Variants in ASIC2 observed in about 807,000 individuals in gnomAD.
The protein encoded by ASIC2 is acid sensing ion channel subunit 2, also known as acid-sensing ion channel 2.
Under a neutral mutation model 57.3 loss-of-function variants are expected in ASIC2, and 25 were observed. That is an observed-to-expected ratio of 0.44 (90% confidence interval 0.32 to 0.61). The LOEUF (loss-of-function observed/expected upper bound fraction) is 0.61. ASIC2 is among the 20% of genes least tolerant of loss of function. The pLI, the probability that ASIC2 is intolerant of heterozygous loss-of-function variation, is 0.06. For missense variants in ASIC2, 641 were observed against 738.1 expected (o/e 0.87, Z 1.52); for synonymous variants, 319 against 307.5 (o/e 1.04, Z -0.39).
At chr17:33,401,775 G>A (rs1270725523) in intron 1 of ASIC2, among the ~76,000 whole-genome samples, 1 of 152,124 alleles carries the variant, frequency 6.6e-6, no homozygotes, top group Admixed American at 6.5e-5. Flanking sequence ...GGGTAAATTG[G>A]ACACAACACT....
At chr17:33,214,606 T>A (rs1907405554) in intron 1 of ASIC2, among the ~76,000 whole-genome samples, 1 of 152,204 alleles carries the variant, frequency 6.6e-6, no homozygotes, top group African/African-American at 2.4e-5. Flanking sequence ...ACTGTACATA[T>A]GAGCTACTTG....
intron 1 of ASIC2, among the ~76,000 whole-genome samples, chr17:33,651,640 C>T (rs1017833527): frequency 6.6e-6 from 1 of 152,186 alleles, no homozygotes; most frequent in Non-Finnish European, 1.5e-5. Flanking sequence ...CCTCTAGAGC[C>T]CATGCTCGCA....
At chr17:33,327,898 G>A (rs1490546023) in intron 1 of ASIC2, among the ~76,000 whole-genome samples, 1 of 152,152 alleles carries the variant, frequency 6.6e-6, no homozygotes, top group African/African-American at 2.4e-5. Flanking sequence ...GAGGCTTGGA[G>A]ATACACAGCA....
At position 34,079,816 on chromosome 17, in the gene ASIC2, G is replaced by GC. The variant is rs112731732; in HGVS notation, c.555+76161dup. 1.1e-3 allele frequency among the ~76,000 whole-genome samples: 165 copies of GC among 152,328 alleles called. 4 individuals are homozygous for GC. The highest frequency in any genetic ancestry group is 3.8e-3 in the African/African-American group (157 of 41,566). ...TTGCTGTTTTGCTTGTCAGGTCACA[G>GC]CAAGTCCTGGGTAGGTGAAAGGGCA... On this transcript the variant is annotated intron_variant, in intron 1 of 9. Transcript: ENST00000359872.
At chr17:33,319,629 T>C (rs1469748767) in intron 1 of ASIC2, among the ~76,000 whole-genome samples, 1 of 152,216 alleles carries the variant, frequency 6.6e-6, no homozygotes, top group African/African-American at 2.4e-5. Flanking sequence ...CTCAAGCATT[T>C]ATCCTTTCTT....
Position 33,365,051 on chromosome 17 carries a change from A to G in ASIC2, c.556-252984T>C, listed in dbSNP as rs548545954. 5.7e-4 allele frequency among the ~76,000 whole-genome samples: 87 copies of G among 152,308 alleles called. 1 individual carries two copies. In the South Asian group the frequency reaches 0.018, roughly 31 times the overall value. ...AGCACGGATATGAGGCCTTTCCTGA[A>G]CACAGCATTATGCCAGAGTCCTTTA... On this transcript the variant is annotated intron_variant, in intron 1 of 9. Transcript: ENST00000359872.
At chr17:34,028,492 CA>C (rs1907461186) in intron 1 of ASIC2, among the ~76,000 whole-genome samples, 1 of 152,174 alleles carries the variant, frequency 6.6e-6, no homozygotes, top group African/African-American at 2.4e-5. Context: ...TGTAGGAAGG[CA>C]TTATGCTCGA....
intron 1 of ASIC2, among the ~76,000 whole-genome samples, chr17:33,724,130 G>A (rs560338497): frequency 4.3e-4 from 66 of 152,204 alleles, no homozygotes; most frequent in African/African-American, 1.6e-3. Context: ...TTTATAAAGA[G>A]GAAATCCCTT....
At position 33,985,420 on chromosome 17, in the gene ASIC2, A is replaced by C. The variant is rs189637098; in HGVS notation, c.555+170558T>G. ...TCGGAGTGTCCAGGGTGGGCCTGAC[A>C]TTCTGCATCTCTAACAAGCTCTCAA... On this transcript the variant is annotated intron_variant, in intron 1 of 9. Transcript: ENST00000359872. Among the ~76,000 whole-genome samples the C allele has an allele frequency of 1.5e-4, 23 of 152,294 alleles. No homozygotes were observed. The East Asian group carries it at 4.4e-3, about 29-fold the overall frequency.
intron 1 of ASIC2, among the ~76,000 whole-genome samples, chr17:33,392,518 G>C (rs181082136): frequency 1.3e-5 from 2 of 152,132 alleles, no homozygotes; most frequent in Admixed American, 1.3e-4. Context: ...GCCTGCTTTG[G>C]CTTCTCAAAG....
chr17:34,130,381 T>C (rs993481176), intron 1 of ASIC2, among the ~76,000 whole-genome samples: 1 of 152,230 alleles, frequency 6.6e-6, no homozygotes, highest in Non-Finnish European at 1.5e-5. Flanking sequence ...GCAACAGTTA[T>C]GATTTTGAAT....
chr17:33,700,166 G>T, intron 1 of ASIC2, among the ~76,000 whole-genome samples: 1 of 152,104 alleles, frequency 6.6e-6, no homozygotes, highest in South Asian at 2.1e-4. Context: ...ACTAAGCTGG[G>T]ATCCTCAAAG....
intron 1 of ASIC2, among the ~76,000 whole-genome samples, chr17:33,125,110 C>T (rs1341685506): frequency 6.6e-6 from 1 of 152,224 alleles, no homozygotes; most frequent in Non-Finnish European, 1.5e-5. Context: ...TGGCCCAGTT[C>T]CCAACAAGCT....
intron 1 of ASIC2, among the ~76,000 whole-genome samples, chr17:33,557,567 G>A (rs1915945298): frequency 6.6e-6 from 1 of 152,176 alleles, no homozygotes; most frequent in African/African-American, 2.4e-5. Flanking sequence ...TTCTGCATTG[G>A]TGGAAGGAGG....
chr17:33,611,400 T>C (rs1356413657), intron 1 of ASIC2, among the ~76,000 whole-genome samples: 1 of 152,234 alleles, frequency 6.6e-6, no homozygotes, highest in East Asian at 1.9e-4. Flanking sequence ...GATCCAGACC[T>C]TGTGTTCTAT....
At chr17:33,257,027 C>A (rs1909107263) in intron 1 of ASIC2, among the ~76,000 whole-genome samples, 1 of 152,194 alleles carries the variant, frequency 6.6e-6, no homozygotes, top group Admixed American at 6.5e-5. Flanking sequence ...TGGTGGACTG[C>A]CAGGCCCCTG....
intron 1 of ASIC2, among the ~76,000 whole-genome samples, chr17:33,610,403 C>T (rs866623251): frequency 5.9e-5 from 9 of 152,138 alleles, no homozygotes; most frequent in African/African-American, 1.7e-4. Context: ...ATGGTCTGCC[C>T]GCCTCGGCCT....
At chr17:33,806,269 A>G (rs1157860202) in intron 1 of ASIC2, among the ~76,000 whole-genome samples, 2 of 152,212 alleles carry the variant, frequency 1.3e-5, no homozygotes, top group African/African-American at 4.8e-5. Context: ...CAGTACCCAA[A>G]CCAATAAATG....
At chr17:34,068,867 G>A (rs555051445) in intron 1 of ASIC2, among the ~76,000 whole-genome samples, 1 of 152,342 alleles carries the variant, frequency 6.6e-6, no homozygotes, top group South Asian at 2.1e-4. Flanking sequence ...CTCCTGGACA[G>A]TCCAAGTAGG....
Sources: gnomAD v4.1 joint callset for allele counts (sites outside exome capture counted in the v4.1 genomes callset) on GRCh38, gnomAD v4.1.1 for gene constraint, MANE v1.5 for transcripts, NCBI Gene and HGNC (gene_info 2026-07-23, HGNC 2026-07-21) for gene names.